Variants in DCAF6 observed in about 807,000 individuals in gnomAD.
DCAF6 encodes DDB1 and CUL4 associated factor 6, also known as DDB1- and CUL4-associated factor 6.
A neutral mutation model predicts 125.1 loss-of-function variants in DCAF6; 54 were observed. The ratio of observed to expected loss-of-function variants is 0.43; its 90% confidence interval spans 0.35 to 0.54. DCAF6 has a LOEUF of 0.54. Ranked by LOEUF, DCAF6 falls within the 20% of genes least tolerant of loss-of-function variation. The probability of loss-of-function intolerance (pLI) is 0.01; values close to 1 mark genes in which losing one functional copy is unlikely to be tolerated. For missense variants in DCAF6, 934 were observed against 1,161.7 expected, an observed-to-expected ratio of 0.80 and a Z score of 2.85; for synonymous variants, 371 against 390.4, an observed-to-expected ratio of 0.95 and a Z score of 0.58.
chr1:168,067,950 T>G (rs1340602054), intron 20 of DCAF6, among the ~76,000 whole-genome samples: 1 of 152,204 alleles, frequency 6.6e-6, no homozygotes, highest in Non-Finnish European at 1.5e-5. Context: ...GTAACATCTT[T>G]TCAAGGGATT....
At chr1:167,963,086 C>T (rs1478116883) in intron 2 of DCAF6, among the ~76,000 whole-genome samples, 1 of 151,800 alleles carries the variant, frequency 6.6e-6, no homozygotes, top group Non-Finnish European at 1.5e-5. Context: ...ATGGTGAAAC[C>T]CTGGCTCTAC....
chr1:168,000,711 A>G (rs1682488806), intron 7 of DCAF6, among the ~76,000 whole-genome samples: 1 of 152,174 alleles, frequency 6.6e-6, no homozygotes, highest in Admixed American at 6.6e-5. Flanking sequence ...ATAAACCTTG[A>G]AAACATAATA....
the DCAF6 span, among the ~76,000 whole-genome samples, chr1:167,924,847 GT>G: frequency 6.6e-6 from 1 of 152,038 alleles, no homozygotes; most frequent in Non-Finnish European, 1.5e-5. Context: ...TTTCATACTA[GT>G]TTTACACTCA....
At position 168,004,688 on chromosome 1, in the gene DCAF6, T is replaced by A. The variant is rs1465614627; in HGVS notation, c.1273T>A (p.Ser425Thr). 6.2e-7 allele frequency: 1 copy of A among 1,614,040 alleles called. No homozygotes were observed. Among genetic ancestry groups the A allele is most frequent in the South Asian group, 1.1e-5 (1 of 91,070 alleles). ...AATGTCAGCTCAGGCTCATTCGACATCATCTCCCACAGAAAGCCCTCATTC... is the reference window on the plus strand; with the variant it reads ...AATGTCAGCTCAGGCTCATTCGACAACATCTCCCACAGAAAGCCCTCATTC... ...STMSAQAHSTSSPTESPHSTP... is the reference protein window; with the variant it reads ...STMSAQAHSTTSPTESPHSTP... Residue 425 changes from serine to threonine, a missense_variant, in exon 10 of 22, where the codon TCA (serine) becomes ACA (threonine). Ser to Thr is a moderately conservative substitution (Grantham distance 58, BLOSUM62 1). This residue lies in a region of DCAF6 where 559 missense variants were observed against 635.5 expected (regional missense o/e 0.88). Coordinates refer to ENST00000367840, the MANE Select transcript of DCAF6 (RefSeq NM_001198956.2).
At chr1:167,976,642 A>G (rs1165666131) in intron 4 of DCAF6, among the ~76,000 whole-genome samples, 4 of 152,084 alleles carry the variant, frequency 2.6e-5, no homozygotes, top group African/African-American at 9.7e-5. Flanking sequence ...ATCAGTAAAT[A>G]TTTCTACTCT....
At chr1:168,014,617 C>A (rs918236865) in intron 10 of DCAF6, among the ~76,000 whole-genome samples, 2 of 152,164 alleles carry the variant, frequency 1.3e-5, no homozygotes, top group Non-Finnish European at 2.9e-5. Flanking sequence ...CTCCATTGTT[C>A]CCTGCCGTAA....
chr1:168,039,080 A>ATT (rs1462696695), intron 13 of DCAF6, among the ~76,000 whole-genome samples: 1 of 151,804 alleles, frequency 6.6e-6, no homozygotes, highest in Admixed American at 6.6e-5. Flanking sequence ...TTTGTTTACC[A>ATT]TTTTTTACCA....
intron 11 of DCAF6, 119 bp from the exon 12 acceptor site, chr1:168,022,869 A>T: frequency 1.2e-6 from 1 of 858,212 alleles, no homozygotes. Context: ...ATCACACCAC[A>T]GTACTTACTT....
At chr1:167,981,450 G>A (rs1382463735) in intron 4 of DCAF6, among the ~76,000 whole-genome samples, 1 of 152,102 alleles carries the variant, frequency 6.6e-6, no homozygotes, top group East Asian at 1.9e-4. Flanking sequence ...ATGAGGCTGA[G>A]GTTTGGGGTA....
rs138091563 is a variant in DCAF6, at chr1:168,015,729, T to C, written c.1379-52T>C. 1.2e-4 allele frequency: 167 copies of C among 1,356,944 alleles called. 2 individuals carry two copies. In the East Asian group the frequency reaches 2.5e-3, roughly 20 times the overall value. The allele number at this position is 1,356,944 out of a possible 1,614,324, so 84.1% of individuals were successfully genotyped here. ...TTTTAATGTATAATCAAATTCTTAT[T>C]ATTTTCTATTTTATTACTGTCTTTT... On this transcript the variant is annotated intron_variant, in intron 10 of 21. Transcript: ENST00000367840.
intron 6 of DCAF6, among the ~76,000 whole-genome samples, chr1:167,992,839 A>T (rs995017679): frequency 6.6e-6 from 1 of 152,258 alleles, no homozygotes; most frequent in African/African-American, 2.4e-5. Flanking sequence ...CATACGTTGC[A>T]TACTAATGTA....
At chr1:167,961,955 T>C (rs1245874285) in intron 2 of DCAF6, among the ~76,000 whole-genome samples, 1 of 152,256 alleles carries the variant, frequency 6.6e-6, no homozygotes, top group African/African-American at 2.4e-5. Flanking sequence ...TGAGATTTCT[T>C]CTTTGACCGA....
rs775822639 is a variant in DCAF6, at chr1:168,015,966, GTGT to G, written c.1549+16_1549+18del. The G allele has an allele frequency of 8.2e-6, 12 of 1,464,590 alleles. No individual in the cohort carries two copies. The South Asian group carries it at 1.5e-4, about 19-fold the overall frequency. 90.7% of individuals were successfully genotyped at this position (1,464,590 alleles called of 1,614,324 possible). ...TCATGCTTCAGGTTATTAATGTCAA[GTGT>G]CCTTAAGCAGCTGATAGAATTGTTT... On this transcript the variant is annotated intron_variant, in intron 11 of 21. Coordinates refer to ENST00000367840, the MANE Select transcript of DCAF6 (RefSeq NM_001198956.2).
At chr1:168,028,919 T>C (rs1012218377) in intron 12 of DCAF6, among the ~76,000 whole-genome samples, 1 of 152,156 alleles carries the variant, frequency 6.6e-6, no homozygotes, top group East Asian at 1.9e-4. Flanking sequence ...CATCCATAAA[T>C]AGTATATTTT....
intron 2 of DCAF6, among the ~76,000 whole-genome samples, chr1:167,957,745 A>G (rs1674994424): frequency 6.6e-6 from 1 of 152,090 alleles, no homozygotes; most frequent in African/African-American, 2.4e-5. Flanking sequence ...TACATTTCTG[A>G]CAGCAACATA....
chr1:167,872,906 C>A, the DCAF6 span, among the ~76,000 whole-genome samples: 1 of 151,546 alleles, frequency 6.6e-6, no homozygotes, highest in Non-Finnish European at 1.5e-5. Flanking sequence ...CCCGTCTCTA[C>A]TAAAAATACA....
Position 167,996,933 on chromosome 1 carries a change from C to A in DCAF6, c.903+3493C>A, listed in dbSNP as rs577064741. ...CGGCCTTTAACTGATACTACCTATC[C>A]CCTTTTCTACTTTATTTCTCTCCAT... On this transcript the variant is annotated intron_variant, in intron 7 of 21. Transcript: ENST00000367840. 7.2e-5 allele frequency among the ~76,000 whole-genome samples: 11 copies of A among 152,186 alleles called. No individual in the cohort carries two copies. In the South Asian group the frequency reaches 2.1e-3, roughly 29 times the overall value.
chr1:168,051,311 T>C (rs1689906853), intron 17 of DCAF6, among the ~76,000 whole-genome samples: 1 of 152,248 alleles, frequency 6.6e-6, no homozygotes, highest in South Asian at 2.1e-4. Context: ...GTTATTCGTA[T>C]ATGCTCCTTT....
intron 2 of DCAF6, 44 bp downstream of exon 2, chr1:167,951,905 A>T: frequency 7.9e-7 from 1 of 1,272,206 alleles, no homozygotes; most frequent in Non-Finnish European, 1.1e-6. Flanking sequence ...TTTGATACTA[A>T]GTGTTTAAGT....
Sources: allele counts gnomAD v4.1 joint callset (sites outside exome capture counted in the v4.1 genomes callset), GRCh38; gene constraint gnomAD v4.1.1; regional missense constraint gnomAD v4.1.1; transcripts MANE v1.5; gene names NCBI Gene and HGNC (gene_info 2026-07-23, HGNC 2026-07-21).